BNIP3L: variants seen among roughly 807,000 people sequenced by gnomAD.
BNIP3L encodes the protein BCL2/adenovirus E1B 19 kDa protein-interacting protein 3-like.
Under a neutral mutation model 25.5 loss-of-function variants are expected in BNIP3L, and 10 were observed. The observed-to-expected ratio is 0.39, with a 90% confidence interval of 0.24 to 0.67. The LOEUF (loss-of-function observed/expected upper bound fraction) is 0.67. BNIP3L is among the 30% of genes least tolerant of loss of function. BNIP3L has a pLI of 0.45. For synonymous variants in BNIP3L, 113 were observed against 101.2 expected (o/e 1.12, Z -0.70); for missense variants, 215 against 270.9 (o/e 0.79, Z 1.45).
At chr8:26,390,650 G>A in intron 1 of BNIP3L, 1 of 781,552 alleles carries the variant, frequency 1.3e-6, no homozygotes, top group Middle Eastern at 6.5e-4. Context: ...TAGTTAACCA[G>A]CTGCATTAAT....
intron 3 of BNIP3L, among the ~76,000 whole-genome samples, chr8:26,402,268 C>A (rs1310317498): frequency 6.6e-6 from 1 of 152,102 alleles, no homozygotes; most frequent in African/African-American, 2.4e-5. Flanking sequence ...AGCAGGCTGT[C>A]GTATATAAGA....
At position 26,391,322 on chromosome 8, in the gene BNIP3L, A is replaced by G. The variant is rs1304332662; in HGVS notation, c.180A>G (p.Val60=). Residue 60 remains valine, a synonymous_variant, in exon 2 of 6, where the codon GTA becomes GTG. Transcript: ENST00000380629. ...GNGKNGGLEH[V]PSSSSIHNGD... ...GGAAAAATGGGGGGCTGGAACACGT[A>G]CCATCCTCATCCTCCATCCACAATG... 6.2e-7 allele frequency: 1 copy of G among 1,612,444 alleles called. No homozygotes were observed. Among genetic ancestry groups the G allele is most frequent in the South Asian group, 1.1e-5 (1 of 90,632 alleles).
intron 3 of BNIP3L, among the ~76,000 whole-genome samples, chr8:26,405,129 T>TG (rs1475407797): frequency 6.6e-6 from 1 of 151,658 alleles, no homozygotes; most frequent in Non-Finnish European, 1.5e-5. Context: ...TCCATCCTCA[T>TG]GAAAAAAAAA....
At chr8:26,405,269 A>G (rs955325271) in intron 3 of BNIP3L, among the ~76,000 whole-genome samples, 2 of 152,250 alleles carry the variant, frequency 1.3e-5, no homozygotes, top group Admixed American at 1.3e-4. Context: ...AGCGACCTGC[A>G]GTGTGTTGAG....
intron 5 of BNIP3L, among the ~76,000 whole-genome samples, chr8:26,409,888 C>T (rs1199770370): frequency 6.6e-6 from 1 of 152,084 alleles, no homozygotes; most frequent in Non-Finnish European, 1.5e-5. Context: ...GGCCCCTAAT[C>T]CTTAGGAGTT....
At chr8:26,396,246 A>G (rs1446902359) in intron 3 of BNIP3L, among the ~76,000 whole-genome samples, 1 of 106,780 alleles carries the variant, frequency 9.4e-6, no homozygotes, top group Non-Finnish European at 2.0e-5. Context: ...TGAAGAGAGC[A>G]GTGGTTCTCC....
intron 3 of BNIP3L, 128 bp downstream of exon 3, chr8:26,395,430 T>G: frequency 9.6e-7 from 1 of 1,044,652 alleles, no homozygotes; most frequent in Non-Finnish European, 1.4e-6. Context: ...TTTCTGATTT[T>G]GGAATTTATT....
intron 5 of BNIP3L, among the ~76,000 whole-genome samples, chr8:26,409,725 C>G (rs1425022494): frequency 6.6e-6 from 1 of 152,178 alleles, no homozygotes; most frequent in Non-Finnish European, 1.5e-5. Context: ...GTAAGTATAA[C>G]TATTGCTATA....
At chr8:26,400,536 A>G (rs1302510350) in intron 3 of BNIP3L, among the ~76,000 whole-genome samples, 3 of 139,478 alleles carry the variant, frequency 2.2e-5, no homozygotes, top group East Asian at 4.1e-4. Context: ...CACCAAAAGC[A>G]ATGGCAACCA....
At chr8:26,400,128 C>T in intron 3 of BNIP3L, among the ~76,000 whole-genome samples, 1 of 150,510 alleles carries the variant, frequency 6.6e-6, no homozygotes, top group Non-Finnish European at 1.5e-5. Context: ...GCCAAAAGAA[C>T]AAAGCTGGAG....
In BNIP3L at chr8:26,412,000, A is replaced by G. The variant is rs1806636676; in HGVS notation, c.*1588A>G. ...TTGTAAAATTGATGTGTTATAGTGG[A>G]AAATAACATATAGATTAAACAAAAT... On this transcript the variant is annotated 3_prime_UTR_variant, in exon 6 of 6. Coordinates refer to ENST00000380629, the MANE Select transcript of BNIP3L (RefSeq NM_004331.3). The G allele has an allele frequency of 6.5e-6, 1 of 152,680 alleles. No homozygotes were observed. The highest frequency in any genetic ancestry group is 2.1e-4 in the South Asian group (1 of 4,834). 9.5% of individuals were successfully genotyped at this position (152,680 alleles called of 1,614,324 possible). A position where few individuals can be genotyped will look rare whatever the true frequency, so the allele number is the denominator to read the frequency against.
intron 1 of BNIP3L, 165 bp downstream of exon 1, chr8:26,383,395 G>T: frequency 6.9e-7 from 1 of 1,442,570 alleles, no homozygotes; most frequent in African/African-American, 1.4e-5. Flanking sequence ...GAGGAGGGGC[G>T]CCTGCCTTGC....
chr8:26,385,019 C>G (rs7832201), intron 1 of BNIP3L, among the ~76,000 whole-genome samples: 107,737 of 151,698 alleles, frequency 0.71, 38,500 homozygotes, highest in East Asian at 0.88. Flanking sequence ...GACCTCACGT[C>G]ATCCGCCCGC....
intron 1 of BNIP3L, 146 bp downstream of exon 1, chr8:26,383,376 C>T: frequency 1.4e-6 from 2 of 1,456,942 alleles, no homozygotes; most frequent in Non-Finnish European, 1.8e-6. Flanking sequence ...AGCTCCCGTC[C>T]CCTGTCAAGA....
intron 3 of BNIP3L, among the ~76,000 whole-genome samples, chr8:26,397,870 CAAA>C (rs1406361795): frequency 1.0e-4 from 3 of 29,164 alleles, no homozygotes; most frequent in African/African-American, 4.4e-4. Flanking sequence ...TCAAAAGAGA[CAAA>C]GAAGGCCATT....
intron 2 of BNIP3L, among the ~76,000 whole-genome samples, chr8:26,392,869 G>T (rs942822642): frequency 6.6e-6 from 1 of 152,064 alleles, no homozygotes; most frequent in South Asian, 2.1e-4. Context: ...TGTTCACATG[G>T]TGCTGTCAAT....
intron 2 of BNIP3L, among the ~76,000 whole-genome samples, chr8:26,391,729 C>G (rs1463503675): frequency 6.6e-6 from 1 of 152,220 alleles, no homozygotes; most frequent in Non-Finnish European, 1.5e-5. Context: ...ATTAATCTGA[C>G]TTTCCCCCAT....
intron 1 of BNIP3L, among the ~76,000 whole-genome samples, chr8:26,384,551 T>C (rs1805943295): frequency 6.6e-6 from 1 of 152,298 alleles, no homozygotes; most frequent in East Asian, 1.9e-4. Context: ...TTGCCCATGT[T>C]TAGCATACTG....
intron 1 of BNIP3L, among the ~76,000 whole-genome samples, chr8:26,384,708 C>G (rs2117460200): frequency 6.9e-6 from 1 of 145,512 alleles, no homozygotes. Flanking sequence ...TTCAGCCTGT[C>G]TACTGCTCTT....
Sources: gnomAD v4.1 joint callset for allele counts (sites outside exome capture counted in the v4.1 genomes callset) on GRCh38, gnomAD v4.1.1 for gene constraint, MANE v1.5 for transcripts, NCBI Gene and HGNC (gene_info 2026-07-23, HGNC 2026-07-21) for gene names.